The following LRRC37A3 variants were observed in gnomAD, a reference collection of about 807,000 sequenced individuals.
LRRC37A3 encodes leucine-rich repeat-containing protein 37A3.
Under a neutral mutation model 106.2 loss-of-function variants are expected in LRRC37A3, and 25 were observed. That is an observed-to-expected ratio of 0.24 (90% CI 0.17 to 0.33). LRRC37A3 has a LOEUF of 0.33. Among genes scored for constraint, LRRC37A3 ranks in the 10% least tolerant of loss-of-function variants. The pLI is 1.00. For missense variants in LRRC37A3, 712 were observed against 1,644.9 expected (o/e 0.43, Z 9.81); for synonymous variants, 305 against 635.8 (o/e 0.48, Z 7.83).
At chr17:64,868,735 T>C (rs1224855655) in intron 9 of LRRC37A3, among the ~76,000 whole-genome samples, 199 bp from the exon 10 acceptor site, 1 of 152,130 alleles carries the variant, frequency 6.6e-6, no homozygotes, top group Non-Finnish European at 1.5e-5. Flanking sequence ...ACTTACACTT[T>C]TTTTTTTTAC....
At chr17:64,866,392 C>G (rs1297867033) in intron 10 of LRRC37A3, among the ~76,000 whole-genome samples, 5 of 150,732 alleles carry the variant, frequency 3.3e-5, no homozygotes, top group African/African-American at 9.8e-5. Flanking sequence ...AATGAAGGGC[C>G]CTTTCCATGC....
At chr17:64,916,714 A>T (rs1198916122) in intron 2 of LRRC37A3, among the ~76,000 whole-genome samples, 2 of 150,620 alleles carry the variant, frequency 1.3e-5, no homozygotes, top group Non-Finnish European at 2.9e-5. Flanking sequence ...TGAACCCAGA[A>T]GGTGGCGGCT....
At chr17:64,915,973 C>T (rs1413867834) in intron 2 of LRRC37A3, among the ~76,000 whole-genome samples, 1 of 152,196 alleles carries the variant, frequency 6.6e-6, no homozygotes, top group Non-Finnish European at 1.5e-5. Flanking sequence ...TGGCATGCAT[C>T]TGTGGTCCTA....
intron 2 of LRRC37A3, among the ~76,000 whole-genome samples, chr17:64,914,902 T>C (rs1974670624): frequency 6.7e-6 from 1 of 149,222 alleles, no homozygotes; most frequent in African/African-American, 2.5e-5. Flanking sequence ...AAGTATCACA[T>C]ATTCTCATTC....
At chr17:64,861,078 T>C (rs1022313562) in intron 11 of LRRC37A3, 105 bp from the exon 12 acceptor site, 3 of 1,573,040 alleles carry the variant, frequency 1.9e-6, no homozygotes, top group Admixed American at 1.7e-5. Context: ...TCAGCAAACA[T>C]TCGAGTGCCA....
chr17:64,872,030 G>A (rs2143455896), intron 8 of LRRC37A3, among the ~76,000 whole-genome samples: 1 of 150,906 alleles, frequency 6.6e-6, no homozygotes, highest in South Asian at 2.1e-4. Context: ...TACTCGGGAG[G>A]CTGAGGCAGG....
At chr17:64,881,225 C>T in intron 8 of LRRC37A3, 1 of 697,856 alleles carries the variant, frequency 1.4e-6, no homozygotes, top group Non-Finnish European at 2.6e-6. Flanking sequence ...AAACAGTGAG[C>T]CTTTTTCTTT....
intron 2 of LRRC37A3, among the ~76,000 whole-genome samples, chr17:64,911,020 C>G (rs1974577766): frequency 6.6e-6 from 1 of 152,054 alleles, no homozygotes; most frequent in African/African-American, 2.4e-5. Flanking sequence ...CAGATCAGCT[C>G]CATAAAATAG....
chr17:64,859,960 C>T lies in LRRC37A3; in HGVS notation c.4186G>A (p.Ala1396Thr). ...TCCATAAAAACATTTTCTTCAAAGGCATTTCTTGCAGTTGTGTCTTTTGTA... is the reference window on the plus strand; with the variant it reads ...TCCATAAAAACATTTTCTTCAAAGGTATTTCTTGCAGTTGTGTCTTTTGTA... ...NNTKDTTARN[A>T]FEENVFMENT... The change falls in exon 12 of 15, where the codon GCC (alanine) becomes ACC (threonine). Residue 1396 changes from alanine (A) to threonine (T), a missense_variant. Ala to Thr is a moderately conservative substitution (Grantham distance 58, BLOSUM62 0). Coordinates refer to ENST00000584306, the MANE Select transcript of LRRC37A3 (RefSeq NM_199340.5). The T allele has an allele frequency of 6.2e-7, 1 of 1,613,738 alleles. No homozygotes were observed. The highest frequency in any genetic ancestry group is 8.5e-7 in the Non-Finnish European group (1 of 1,179,864).
intron 8 of LRRC37A3, among the ~76,000 whole-genome samples, chr17:64,883,023 CA>C (rs1455183811): frequency 6.6e-6 from 1 of 151,194 alleles, no homozygotes; most frequent in African/African-American, 2.4e-5. Flanking sequence ...AAAATATAAA[CA>C]TACTTAACAT....
chr17:64,915,993 G>A (rs1974693100), intron 2 of LRRC37A3, among the ~76,000 whole-genome samples: 1 of 152,202 alleles, frequency 6.6e-6, no homozygotes, highest in Non-Finnish European at 1.5e-5. Flanking sequence ...AACTACTTCA[G>A]AGGCTGAGGT....
At chr17:64,861,384 G>A (rs570252257) in intron 11 of LRRC37A3, among the ~76,000 whole-genome samples, 4 of 152,304 alleles carry the variant, frequency 2.6e-5, no homozygotes, top group East Asian at 1.9e-4. Context: ...TGCTCACCTC[G>A]TCCTCGGTGC....
intron 8 of LRRC37A3, among the ~76,000 whole-genome samples, chr17:64,877,262 C>T (rs1219531410): frequency 6.6e-6 from 1 of 152,086 alleles, no homozygotes; most frequent in African/African-American, 2.4e-5. Flanking sequence ...AGTGCAATGG[C>T]GTGACCTCGG....
In LRRC37A3 at chr17:64,912,410, C is replaced by T. The variant is rs565938264; in HGVS notation, c.-496+6340G>A. ...TAGAATAAAGAAACCTATATGTTTG[C>T]AATACTTTTACATTTTATTTAGAGG... On this transcript the variant is annotated intron_variant, in intron 2 of 14. Transcript: ENST00000584306. Among the ~76,000 whole-genome samples, 8 of 151,742 alleles carry T rather than the reference C, an allele frequency of 5.3e-5. No homozygotes were observed. The East Asian group carries it at 1.6e-3, about 30-fold the overall frequency.
chr17:64,854,554 G>C lies in LRRC37A3; in HGVS notation c.*45C>G. On this transcript the variant is annotated 3_prime_UTR_variant, in exon 15 of 15. Transcript: ENST00000584306. ...TGCTTTTTTGATGGCCGTTGTTTAC[G>C]CTATGTATTTTTGCAGGAGGCCTGA... 1.2e-6 allele frequency: 2 copies of C among 1,613,580 alleles called. No individual in the cohort carries two copies. The highest frequency in any genetic ancestry group is 1.7e-6 in the Non-Finnish European group (2 of 1,179,604).
rs974104539 is a variant in LRRC37A3 at position 64,881,321 on chromosome 17, C to T, written c.2906+4765G>A. Reference sequence around the variant, plus strand: ...GCAGTGCAGTGGTGTGATCTTGGCTCACTGCAACCTCCACCTCCTGGAGTC... The same window carrying T: ...GCAGTGCAGTGGTGTGATCTTGGCTTACTGCAACCTCCACCTCCTGGAGTC... On this transcript the variant is annotated intron_variant, in intron 8 of 14. Coordinates refer to ENST00000584306, the MANE Select transcript of LRRC37A3 (RefSeq NM_199340.5). 4 of 635,740 alleles carry T rather than the reference C, an allele frequency of 6.3e-6. No individual in the cohort carries two copies. In the African/African-American group the frequency reaches 7.4e-5, roughly 12 times the overall value. 39.4% of individuals were successfully genotyped at this position (635,740 alleles called of 1,614,324 possible).
chr17:64,874,528 C>T (rs907389056), intron 8 of LRRC37A3, among the ~76,000 whole-genome samples: 1 of 151,424 alleles, frequency 6.6e-6, no homozygotes, highest in Admixed American at 6.6e-5. Flanking sequence ...TGGGGGGTGC[C>T]TCTGCCCGGC....
At chr17:64,866,608 ATATATATATATATATATATATTTTTT>A (rs1173587750) in intron 10 of LRRC37A3, among the ~76,000 whole-genome samples, 69 of 19,306 alleles carry the variant, frequency 3.6e-3, no homozygotes, top group African/African-American at 0.021. Flanking sequence ...ATATATATAT[ATATATATATATATATATATATTTTTT>A]TTTTTTTTTT....
At chr17:64,918,939 G>C (rs1974765774) in intron 1 of LRRC37A3, 69 bp from the exon 2 acceptor site, 4 of 969,602 alleles carry the variant, frequency 4.1e-6, no homozygotes, top group Admixed American at 4.5e-5. Flanking sequence ...CTTTGTTGAC[G>C]GCCGTCCGGA....
Sources: gnomAD v4.1 joint callset for allele counts (sites outside exome capture counted in the v4.1 genomes callset) on GRCh38, gnomAD v4.1.1 for gene constraint, MANE v1.5 for transcripts, NCBI Gene and HGNC (gene_info 2026-07-23, HGNC 2026-07-21) for gene names.